The following KALRN variants were observed in gnomAD, a reference collection of about 807,000 sequenced individuals.
The protein encoded by KALRN is kalirin RhoGEF kinase, also known as kalirin.
A neutral mutation model predicts 353.7 loss-of-function variants in KALRN; 70 were observed. The ratio of observed to expected loss-of-function variants is 0.20; its 90% CI spans 0.16 to 0.24. The LOEUF (loss-of-function observed/expected upper bound fraction) is 0.24. Ranked by LOEUF, KALRN falls within the 10% of genes least tolerant of loss-of-function variation. The pLI is 1.00. For missense variants in KALRN, 2,791 were observed against 3,756.7 expected, an observed-to-expected ratio of 0.74 and a Z score of 6.72; for synonymous variants, 1,391 against 1,434.8, an observed-to-expected ratio of 0.97 and a Z score of 0.69.
chr3:124,352,310 T>C (rs899610615), intron 10 of KALRN, among the ~76,000 whole-genome samples: 22 of 152,320 alleles, frequency 1.4e-4, no homozygotes, highest in African/African-American at 4.8e-4. Flanking sequence ...TGTTATATTG[T>C]CCTGAGATAT....
rs559989122 is a variant in KALRN, at chr3:124,072,829, G to T, written c.73+39016G>T. 3.9e-5 allele frequency among the ~76,000 whole-genome samples: 6 copies of T among 152,320 alleles called. No individual in the cohort carries two copies. The South Asian group carries it at 1.0e-3, about 26-fold the overall frequency. On this transcript the variant is annotated intron_variant, in intron 1 of 59. Coordinates refer to ENST00000682506, the MANE Select transcript of KALRN (RefSeq NM_001388419.1). ...GAGAAAGATTGTGTAGAAGTTGCTG[G>T]CCAGCCAGGGCACTTCTGAAAGGCA... is the stretch of plus-strand genomic sequence containing the variant.
intron 1 of KALRN, among the ~76,000 whole-genome samples, chr3:124,077,761 C>G (rs915085055): frequency 8.5e-5 from 13 of 152,326 alleles, no homozygotes; most frequent in African/African-American, 3.1e-4. Flanking sequence ...TTGGCATGCT[C>G]CTGCTCAAAG....
rs529259442 is a variant in KALRN at position 124,702,513 on chromosome 3, T to C, written c.8075+397T>C. On this transcript the variant is annotated intron_variant, in intron 57 of 59. Transcript: ENST00000682506. ...AATATATATGAGATTTTTAAAGGTA[T>C]GAGTTTTTTTAAAGTATCTTTTTAT... Among the ~76,000 whole-genome samples the C allele has an allele frequency of 2.0e-5, 3 of 152,348 alleles. No individual in the cohort carries two copies. In the East Asian group the frequency reaches 5.8e-4, roughly 29 times the overall value.
chr3:124,277,629 C>T (rs1198105045), intron 5 of KALRN, among the ~76,000 whole-genome samples: 1 of 152,186 alleles, frequency 6.6e-6, no homozygotes, highest in African/African-American at 2.4e-5. Context: ...TCCTTTCTTC[C>T]CTCTCCTGCA....
At chr3:124,668,734 C>A (rs74681793) in intron 47 of KALRN, among the ~76,000 whole-genome samples, 4,249 of 152,260 alleles carry the variant, frequency 0.028, 81 homozygotes, top group East Asian at 0.079. Context: ...AAATTAAACA[C>A]CAGCCCAGCC....
intron 34 of KALRN, among the ~76,000 whole-genome samples, chr3:124,606,950 C>T (rs1030809154): frequency 3.9e-5 from 6 of 152,052 alleles, no homozygotes; most frequent in Admixed American, 3.3e-4. Flanking sequence ...TAGGTAAGGC[C>T]AAATAGATAT....
At chr3:124,529,783 T>A (rs537904670) in intron 33 of KALRN, among the ~76,000 whole-genome samples, 2 of 143,400 alleles carry the variant, frequency 1.4e-5, no homozygotes, top group Admixed American at 7.0e-5. Flanking sequence ...GAATGGAAAA[T>A]GGGAAGATGG....
At chr3:124,693,727 C>T (rs2061929945) in intron 51 of KALRN, 77 bp from the exon 52 acceptor site, 1 of 951,838 alleles carries the variant, frequency 1.1e-6, no homozygotes, top group Non-Finnish European at 1.6e-6. Flanking sequence ...TTTCTTTTTA[C>T]TCAATACGGT....
At chr3:124,057,570 T>C (rs2041658546) in intron 1 of KALRN, among the ~76,000 whole-genome samples, 1 of 152,064 alleles carries the variant, frequency 6.6e-6, no homozygotes, top group African/African-American at 2.4e-5. Context: ...CAGCAGTCCT[T>C]ATTGATTGAG....
In KALRN at chr3:124,650,935, G is replaced by T. The variant is rs35298864; in HGVS notation, c.5792G>T (p.Arg1931Met). Residue 1931 changes from arginine to methionine, a missense_variant, in exon 38 of 60, where the codon AGG becomes ATG. Arg to Met is a moderately conservative substitution (Grantham distance 91). Coordinates refer to ENST00000682506, the MANE Select transcript of KALRN (RefSeq NM_001388419.1). ...CAGAAAGCCAAGGCCCTGAGAGGCA[G>T]GATGTAAGTGGCTTCCCCAGTTCCT... ...EEQKAKALRG[R>M]MFVLNELVQT... 6,766 of 1,614,026 alleles carry T rather than the reference G, an allele frequency of 4.2e-3. 239 individuals are homozygous for T. In the African/African-American group the frequency reaches 0.075, roughly 18 times the overall value.
At chr3:124,612,087 C>A (rs2078044744) in intron 34 of KALRN, among the ~76,000 whole-genome samples, 1 of 152,182 alleles carries the variant, frequency 6.6e-6, no homozygotes, top group Non-Finnish European at 1.5e-5. Context: ...GGCAATGGCA[C>A]AATCTCAGCT....
At chr3:124,284,067 A>G (rs1350433927) in intron 5 of KALRN, among the ~76,000 whole-genome samples, 1 of 152,224 alleles carries the variant, frequency 6.6e-6, no homozygotes, top group Non-Finnish European at 1.5e-5. Context: ...GGGAGAGGGA[A>G]CAAAATGGAG....
intron 34 of KALRN, among the ~76,000 whole-genome samples, chr3:124,564,136 C>T (rs1026389126): frequency 2.9e-5 from 4 of 136,602 alleles, no homozygotes; most frequent in Non-Finnish European, 6.1e-5. Context: ...ACCCGGGAGG[C>T]GGAGCTTGCA....
chr3:124,584,754 T>C (rs2074964133), intron 34 of KALRN: 1 of 1,536,436 alleles, frequency 6.5e-7, no homozygotes, highest in Non-Finnish European at 8.8e-7. Flanking sequence ...TGAAGTTTCC[T>C]TCCCGCCGCG....
chr3:124,506,000 G>T (rs1211124263), intron 33 of KALRN, among the ~76,000 whole-genome samples: 1 of 152,170 alleles, frequency 6.6e-6, no homozygotes. Context: ...GTGGCAGTTG[G>T]ATGATGGGAG....
At chr3:124,513,863 C>T (rs145915579) in intron 33 of KALRN, among the ~76,000 whole-genome samples, 530 of 152,270 alleles carry the variant, frequency 3.5e-3, no homozygotes, top group Non-Finnish European at 5.8e-3. Context: ...TCCTGCTCAT[C>T]GCTGACCGCT....
Position 124,674,634 on chromosome 3 carries a change from C to G in KALRN, c.7193+20C>G, listed in dbSNP as rs2086941035. ...CATCAAGTAAGTGCCTCGTTGGCTT[C>G]CCCGGGAGAGGAGTATGAGGATTAA... On this transcript the variant is annotated intron_variant, in intron 49 of 59. Transcript: ENST00000682506. 6.4e-7 allele frequency: 1 copy of G among 1,554,610 alleles called. No homozygotes were observed. The highest frequency in any genetic ancestry group is 8.7e-7 in the Non-Finnish European group (1 of 1,149,050).
intron 1 of KALRN, among the ~76,000 whole-genome samples, chr3:124,157,085 T>A: frequency 6.6e-6 from 1 of 152,248 alleles, no homozygotes; most frequent in South Asian, 2.1e-4. Flanking sequence ...TTAGATGCCA[T>A]TAGTTCAGTC....
chr3:124,319,733 C>G (rs2079133848), intron 6 of KALRN, among the ~76,000 whole-genome samples: 1 of 152,038 alleles, frequency 6.6e-6, no homozygotes, highest in Admixed American at 6.6e-5. Context: ...TGGCTCACAC[C>G]TGTAATCCCA....
Sources: allele counts gnomAD v4.1 joint callset (sites outside exome capture counted in the v4.1 genomes callset), GRCh38; gene constraint gnomAD v4.1.1; transcripts MANE v1.5; gene names NCBI Gene and HGNC (gene_info 2026-07-23, HGNC 2026-07-21).